Variants in STARD13 observed in about 807,000 individuals in gnomAD.
STARD13 encodes the protein stAR-related lipid transfer protein 13.
STARD13 carries 62 observed loss-of-function variants against 106.4 expected under a neutral mutation model. That is an observed-to-expected ratio of 0.58 (90% CI 0.48 to 0.72). The LOEUF (loss-of-function observed/expected upper bound fraction) is 0.72. Among genes scored for constraint, STARD13 ranks in the 30% least tolerant of loss-of-function variants. The pLI is 0.00. For synonymous variants in STARD13, 565 were observed against 553.0 expected (o/e 1.02, Z -0.31); for missense variants, 1,387 against 1,424.0 (o/e 0.97, Z 0.42).
chr13:33,230,954 G>A lies in STARD13; in HGVS notation c.169+54516C>T, dbSNP rs113044100. Among the ~76,000 whole-genome samples the A allele has an allele frequency of 8.7e-3, 1,332 of 152,270 alleles. 14 individuals carry two copies. The highest frequency in any genetic ancestry group is 0.013 in the Non-Finnish European group (891 of 68,006). On this transcript the variant is annotated intron_variant, in intron 1 of 13. Coordinates refer to ENST00000336934, the MANE Select transcript of STARD13 (RefSeq NM_178006.4). ...GATACGGGCATAGTCAGAATGTTGT[G>A]GGCATATAAAGAAGAGAGAAAATAA...
the STARD13 span, among the ~76,000 whole-genome samples, chr13:33,653,811 G>T: frequency 6.6e-6 from 1 of 152,078 alleles, no homozygotes; most frequent in Non-Finnish European, 1.5e-5. Flanking sequence ...AATATACAAA[G>T]ATCTCTTACA....
chr13:33,460,591 C>G, the STARD13 span, among the ~76,000 whole-genome samples: 1 of 151,730 alleles, frequency 6.6e-6, no homozygotes, highest in Non-Finnish European at 1.5e-5. Flanking sequence ...TAAATATTGA[C>G]AATGTTTCCC....
intron 3 of STARD13, among the ~76,000 whole-genome samples, chr13:33,155,123 T>C (rs1014800294): frequency 6.6e-6 from 1 of 151,948 alleles, no homozygotes; most frequent in African/African-American, 2.4e-5. Flanking sequence ...CACATCTCCA[T>C]CCCCAGCTCC....
intron 1 of STARD13, chr13:33,333,812 G>C (rs9597227): frequency 0.16 from 24,327 of 152,182 alleles, 2,571 homozygotes; most frequent in Non-Finnish European, 0.22. Flanking sequence ...GTACTCTAGA[G>C]ACTAATTTCA....
chr13:33,507,283 G>A, the STARD13 span, among the ~76,000 whole-genome samples: 1 of 151,746 alleles, frequency 6.6e-6, no homozygotes, highest in East Asian at 1.9e-4. Context: ...AAGCAACCAG[G>A]TTTTTTTTAC....
the STARD13 span, among the ~76,000 whole-genome samples, chr13:33,630,225 T>C: frequency 4.6e-5 from 7 of 152,306 alleles, no homozygotes; most frequent in East Asian, 1.4e-3. Flanking sequence ...CTGATCCAGA[T>C]TGCAAATTCC....
rs1415872633 is a variant in STARD13 at position 33,103,536 on chromosome 13, T to C, written c.*2057A>G. 1 of 152,656 alleles carries C rather than the reference T, an allele frequency of 6.6e-6. No individual in the cohort carries two copies. Among genetic ancestry groups the C allele is most frequent in the Non-Finnish European group, 1.5e-5 (1 of 68,036 alleles). The allele number at this position is 152,656 out of a possible 1,614,324, so 9.5% of individuals were successfully genotyped here. On this transcript the variant is annotated 3_prime_UTR_variant, in exon 14 of 14. Coordinates refer to ENST00000336934, the MANE Select transcript of STARD13 (RefSeq NM_178006.4). ...TCTTCTAGGTCCTCGTTTCTGAGTG[T>C]GGTTTTAGGCCAGCAGCATAGGCAT...
At chr13:33,294,002 T>C (rs1892391670) in intron 1 of STARD13, among the ~76,000 whole-genome samples, 2 of 152,184 alleles carry the variant, frequency 1.3e-5, no homozygotes, top group Non-Finnish European at 2.9e-5. Flanking sequence ...AGACATGTAT[T>C]TCACTTTGTT....
the STARD13 span, among the ~76,000 whole-genome samples, chr13:33,610,083 T>C: frequency 4.5e-4 from 68 of 152,320 alleles, no homozygotes; most frequent in African/African-American, 1.6e-3. Flanking sequence ...CAATGATAAA[T>C]TCCTAAAGTG....
the STARD13 span, among the ~76,000 whole-genome samples, chr13:33,376,601 A>G: frequency 6.6e-6 from 1 of 152,058 alleles, no homozygotes; most frequent in Non-Finnish European, 1.5e-5. Flanking sequence ...ATCCTGACCA[A>G]CATAGCCAGA....
the STARD13 span, among the ~76,000 whole-genome samples, chr13:33,436,648 T>C: frequency 6.6e-6 from 1 of 152,192 alleles, no homozygotes; most frequent in East Asian, 1.9e-4. Context: ...GTTGCTACAG[T>C]AGATGTTTCT....
At chr13:33,449,645 A>T in the STARD13 span, among the ~76,000 whole-genome samples, 1 of 152,138 alleles carries the variant, frequency 6.6e-6, no homozygotes, top group African/African-American at 2.4e-5. Context: ...GAAGAATGTC[A>T]CTGGTAATTT....
chr13:33,442,163 A>G, the STARD13 span, among the ~76,000 whole-genome samples: 4 of 152,226 alleles, frequency 2.6e-5, no homozygotes, highest in African/African-American at 7.2e-5. Context: ...TGTTCTGACA[A>G]TCATGTAAAT....
the STARD13 span, among the ~76,000 whole-genome samples, chr13:33,429,372 G>A: frequency 3.3e-5 from 5 of 152,236 alleles, no homozygotes; most frequent in Admixed American, 1.3e-4. Flanking sequence ...CGAGGCGGGC[G>A]GATCACGAGG....
chr13:33,551,958 A>G, the STARD13 span, among the ~76,000 whole-genome samples: 1 of 152,138 alleles, frequency 6.6e-6, no homozygotes. Context: ...AAAATGATAT[A>G]TCATACAAAC....
chr13:33,485,685 C>A, the STARD13 span, among the ~76,000 whole-genome samples: 5 of 152,176 alleles, frequency 3.3e-5, no homozygotes, highest in South Asian at 2.1e-4. Context: ...TATGCTATAC[C>A]TTTGCATTTT....
the STARD13 span, among the ~76,000 whole-genome samples, chr13:33,547,902 TAA>T: frequency 5.3e-4 from 80 of 152,294 alleles, no homozygotes; most frequent in South Asian, 1.2e-3. Flanking sequence ...GTTAATGAAA[TAA>T]AAAGTTTGTT....
At chr13:33,513,330 A>G in the STARD13 span, among the ~76,000 whole-genome samples, 1 of 152,188 alleles carries the variant, frequency 6.6e-6, no homozygotes, top group Non-Finnish European at 1.5e-5. Context: ...GAAGAAAATA[A>G]GAAGACACTT....
At chr13:33,421,366 G>C in the STARD13 span, among the ~76,000 whole-genome samples, 1 of 152,080 alleles carries the variant, frequency 6.6e-6, no homozygotes, top group Admixed American at 6.6e-5. Flanking sequence ...TAAATTCCTG[G>C]ACACATCCAC....
Sources: gnomAD v4.1 joint callset for allele counts (sites outside exome capture counted in the v4.1 genomes callset) on GRCh38, gnomAD v4.1.1 for gene constraint, MANE v1.5 for transcripts, NCBI Gene and HGNC (gene_info 2026-07-23, HGNC 2026-07-21) for gene names.